Variants in DNAH14 observed in about 807,000 individuals in gnomAD.
The protein encoded by DNAH14 is dynein axonemal heavy chain 14.
DNAH14 carries 478 observed loss-of-function variants against 520.9 expected under a neutral mutation model. The observed-to-expected ratio is 0.92, with a 90% confidence interval of 0.85 to 0.99. DNAH14 has a LOEUF of 0.99. Ranked by LOEUF, DNAH14 falls within the 50% of genes least tolerant of loss-of-function variation. The pLI is 0.00. For missense variants in DNAH14, 4,831 were observed against 5,234.5 expected (o/e 0.92, Z 2.38); for synonymous variants, 1,581 against 1,757.2 (o/e 0.90, Z 2.51).
intron 55 of DNAH14, among the ~76,000 whole-genome samples, chr1:225,290,599 G>C (rs2093846359): frequency 7.0e-6 from 1 of 143,600 alleles, no homozygotes; most frequent in African/African-American, 2.5e-5. Context: ...ATATATATGT[G>C]TGTGTGTGTG....
At chr1:225,357,852 T>C (rs1448278883) in intron 73 of DNAH14, 2 of 701,932 alleles carry the variant, frequency 2.8e-6, no homozygotes, top group Non-Finnish European at 5.2e-6. Context: ...TTTATGGTCA[T>C]TGTGTAGACA....
At chr1:225,040,160 T>C (rs573609255) in intron 12 of DNAH14, among the ~76,000 whole-genome samples, 70 of 152,004 alleles carry the variant, frequency 4.6e-4, no homozygotes, top group Non-Finnish European at 8.1e-4. Flanking sequence ...AGGATGGTCT[T>C]GATCTCCTGA....
chr1:225,052,531 G>A (rs1572715256), intron 17 of DNAH14, among the ~76,000 whole-genome samples: 1 of 152,122 alleles, frequency 6.6e-6, no homozygotes, highest in East Asian at 1.9e-4. Context: ...GTTGAGCATT[G>A]ATTATATGCC....
chr1:225,087,055 A>T (rs2073902898), intron 21 of DNAH14, among the ~76,000 whole-genome samples: 1 of 151,610 alleles, frequency 6.6e-6, no homozygotes, highest in African/African-American at 2.4e-5. Context: ...CTTCTAAGCA[A>T]GATGGAGTTT....
In DNAH14 at chr1:225,079,405, G is replaced by C; in HGVS notation, c.2623G>C (p.Val875Leu). The C allele has an allele frequency of 6.4e-7, 1 of 1,550,696 alleles. No individual in the cohort carries two copies. Among genetic ancestry groups the C allele is most frequent in the Non-Finnish European group, 8.7e-7 (1 of 1,146,744 alleles). ...AGAAGAGCAAATTGCCATATTCCAA[G>C]TTCTTCTTCTTAAGTTTAGTCAACT... ...ISEEQIAIFQ[V>L]LLLKFSQLKS... Residue 875 changes from valine (V) to leucine (L), a missense_variant, in exon 18 of 86, where the codon GTT becomes CTT. Val to Leu is a conservative substitution (Grantham distance 32). Coordinates refer to ENST00000682510, the MANE Select transcript of DNAH14 (RefSeq NM_001367479.1).
chr1:225,146,643 G>A (rs2079972445), intron 30 of DNAH14, among the ~76,000 whole-genome samples: 1 of 152,166 alleles, frequency 6.6e-6, no homozygotes, highest in Admixed American at 6.5e-5. Context: ...TCAGTCTTTT[G>A]CATTGCCCAT....
At chr1:225,233,234 T>C (rs2149583458) in intron 42 of DNAH14, among the ~76,000 whole-genome samples, 1 of 152,288 alleles carries the variant, frequency 6.6e-6, no homozygotes, top group South Asian at 2.1e-4. Context: ...TGATTCCATA[T>C]CTTTGCTATT....
chr1:225,337,128 G>A (rs954776681), intron 66 of DNAH14, 138 bp from the exon 67 acceptor site: 1 of 790,798 alleles, frequency 1.3e-6, no homozygotes, highest in Non-Finnish European at 2.0e-6. Context: ...GCTTTAAACT[G>A]TTCATTTCCT....
chr1:225,085,688 A>G lies in DNAH14; in HGVS notation c.3472A>G (p.Ile1158Val), dbSNP rs1386536980. ...LILHHTEIYSIFIIPSIDDIS... is the reference protein window; with the variant it reads ...LILHHTEIYSVFIIPSIDDIS... ...TCTTCACCACACAGAGATTTACTCTATCTTCATAATTCCATCTATAGATGA... is the reference window on the plus strand; with the variant it reads ...TCTTCACCACACAGAGATTTACTCTGTCTTCATAATTCCATCTATAGATGA... The change falls in exon 21 of 86, where the codon ATC becomes GTC. Residue 1158 changes from isoleucine (I) to valine (V), a missense_variant. Physicochemically the swap from Ile to Val is conservative, Grantham distance 29. Coordinates refer to ENST00000682510, the MANE Select transcript of DNAH14 (RefSeq NM_001367479.1). 6.4e-7 allele frequency: 1 copy of G among 1,551,424 alleles called. No individual in the cohort carries two copies. The highest frequency in any genetic ancestry group is 1.2e-5 in the South Asian group (1 of 84,052).
At chr1:225,185,946 G>GT (rs11443248) in intron 37 of DNAH14, among the ~76,000 whole-genome samples, 31,144 of 98,328 alleles carry the variant, frequency 0.32, 6,320 homozygotes, top group Middle Eastern at 0.43. Flanking sequence ...ATTACACTTT[G>GT]TTTTTTTTTT....
At chr1:224,957,809 A>G (rs531018580) in intron 3 of DNAH14, among the ~76,000 whole-genome samples, 8 of 152,154 alleles carry the variant, frequency 5.3e-5, no homozygotes, top group Non-Finnish European at 1.0e-4. Flanking sequence ...TAAGAAATGC[A>G]TAGTAAATGA....
intron 54 of DNAH14, among the ~76,000 whole-genome samples, chr1:225,284,310 A>G (rs907759059): frequency 5.3e-5 from 8 of 152,080 alleles, no homozygotes; most frequent in African/African-American, 1.4e-4. Context: ...GGAATTAAAG[A>G]GGGAATATTA....
chr1:225,015,998 A>T (rs1254108950), intron 10 of DNAH14, among the ~76,000 whole-genome samples: 1 of 152,176 alleles, frequency 6.6e-6, no homozygotes, highest in East Asian at 1.9e-4. Flanking sequence ...TATTGTAATG[A>T]ATTTTTTGGC....
rs1200720518 is a variant in DNAH14, at chr1:225,085,789, G to A, written c.3573G>A (p.Lys1191=). The part of the protein sequence containing the change: ...IKGSPHIGPI[K]DLVNEWDQNL... ...GATCTCCCCACATTGGGCCCATTAA[G>A]GTAAGTATTATGGCAAAGGAAAAAT... is the stretch of plus-strand genomic sequence containing the variant. Residue 1191 remains lysine (K), a splice_region_variant and synonymous_variant, in exon 21 of 86, where the codon AAG becomes AAA. Transcript: ENST00000682510. 6.5e-7 allele frequency: 1 copy of A among 1,533,664 alleles called. No homozygotes were observed. The highest frequency in any genetic ancestry group is 2.2e-5 in the Admixed American group (1 of 46,236).
At chr1:225,220,850 G>T (rs1447757199) in intron 41 of DNAH14, among the ~76,000 whole-genome samples, 1 of 151,826 alleles carries the variant, frequency 6.6e-6, no homozygotes, top group Non-Finnish European at 1.5e-5. Context: ...AGCCAAGAGA[G>T]TCCTAAGCAA....
At chr1:225,079,087 T>G in intron 17 of DNAH14, 120 bp from the exon 18 acceptor site, 1 of 919,600 alleles carries the variant, frequency 1.1e-6, no homozygotes, top group Non-Finnish European at 1.6e-6. Context: ...GACTAATACA[T>G]GATGTTTTAA....
chr1:224,984,251 C>G (rs2062465350), intron 8 of DNAH14, among the ~76,000 whole-genome samples: 1 of 152,128 alleles, frequency 6.6e-6, no homozygotes, highest in Admixed American at 6.5e-5. Flanking sequence ...TACTTACAGT[C>G]AACTGATCTT....
chr1:225,017,284 T>A (rs1053453521), intron 10 of DNAH14, among the ~76,000 whole-genome samples: 4 of 152,248 alleles, frequency 2.6e-5, no homozygotes, highest in African/African-American at 9.6e-5. Context: ...TCTTTTTGTC[T>A]AATGTTTAAA....
At chr1:225,367,099 C>CATACATA in intron 76 of DNAH14, among the ~76,000 whole-genome samples, 1 of 150,664 alleles carries the variant, frequency 6.6e-6, no homozygotes, top group South Asian at 2.1e-4. Flanking sequence ...ATATAGATAC[C>CATACATA]CACACAACTT....
Sources: allele counts gnomAD v4.1 joint callset (sites outside exome capture counted in the v4.1 genomes callset), GRCh38; gene constraint gnomAD v4.1.1; transcripts MANE v1.5; gene names NCBI Gene and HGNC (gene_info 2026-07-23, HGNC 2026-07-21).